EVC2: variants seen among roughly 807,000 people sequenced by gnomAD.
EVC2 encodes the protein EvC ciliary complex subunit 2, also known as limbin.
EVC2 carries 148 observed loss-of-function variants against 149.3 expected under a neutral mutation model. The ratio of observed to expected loss-of-function variants is 0.99; its 90% confidence interval spans 0.87 to 1.14. The LOEUF (loss-of-function observed/expected upper bound fraction) is 1.14, where lower values mean the gene tolerates loss of function less well. EVC2 is among the 50% of genes most tolerant of loss of function. The pLI, the probability that EVC2 is intolerant of heterozygous loss-of-function variation, is 0.00. For missense variants in EVC2, 1,854 were observed against 1,627.3 expected, an observed-to-expected ratio of 1.14 and a Z score of -2.40; for synonymous variants, 776 against 649.9, an observed-to-expected ratio of 1.19 and a Z score of -2.95.
intron 21 of EVC2, among the ~76,000 whole-genome samples, chr4:5,548,015 G>C (rs1453941712): frequency 6.6e-6 from 1 of 151,898 alleles, no homozygotes; most frequent in Non-Finnish European, 1.5e-5. Flanking sequence ...GCCTCGCAGA[G>C]AGTCGGTGCC....
Position 5,625,850 on chromosome 4 carries a change from C to G in EVC2, c.1945G>C (p.Val649Leu). ...TCCAACTTCTGCTTGATTGAAAAGA[C>G]TTCTGTCTGAGCCCGCTCCAATAGC... ...EMLLERAQTE[V>L]FSIKQKLDND... The change falls in exon 13 of 22, where the codon GTC (valine) becomes CTC (leucine). Residue 649 changes from valine to leucine, a missense_variant. Physicochemically the swap from Val to Leu is conservative, Grantham distance 32 (BLOSUM62 1). Coordinates refer to ENST00000344408, the MANE Select transcript of EVC2 (RefSeq NM_147127.5). This position sits in a 1 kb window ranked among gnomAD's most constrained non-coding sequence, Gnocchi z 4.0. 6.2e-7 allele frequency: 1 copy of G among 1,614,084 alleles called. No homozygotes were observed. The highest frequency in any genetic ancestry group is 1.1e-5 in the South Asian group (1 of 91,084).
intron 16 of EVC2, among the ~76,000 whole-genome samples, chr4:5,592,657 G>A (rs908768912): frequency 1.1e-4 from 17 of 152,182 alleles, no homozygotes; most frequent in African/African-American, 2.7e-4. Flanking sequence ...AAGTGGGCTC[G>A]CACATGTGCA....
At chr4:5,580,404 C>T (rs1026186113) in intron 17 of EVC2, among the ~76,000 whole-genome samples, 5 of 152,236 alleles carry the variant, frequency 3.3e-5, no homozygotes, top group African/African-American at 1.2e-4. Flanking sequence ...GTAGGAGTTA[C>T]TCAAAAGAGT....
chr4:5,674,316 A>T (rs569162529), intron 7 of EVC2, among the ~76,000 whole-genome samples: 3 of 152,304 alleles, frequency 2.0e-5, no homozygotes, highest in African/African-American at 7.2e-5. Flanking sequence ...AACACATCAC[A>T]CAGCATGATT....
At chr4:5,539,169 C>T (rs949142563), downstream of EVC2, among the ~76,000 whole-genome samples, 2 of 152,070 alleles carry the variant, frequency 1.3e-5, no homozygotes, top group African/African-American at 4.8e-5. Context: ...AAAACAGAAA[C>T]TGGAATTTTA....
intron 16 of EVC2, among the ~76,000 whole-genome samples, chr4:5,597,371 G>A (rs930889512): frequency 4.6e-5 from 7 of 152,148 alleles, no homozygotes; most frequent in African/African-American, 1.7e-4. Flanking sequence ...TATCCACCAT[G>A]ATCAAGTGGG....
chr4:5,539,534 CTT>C (rs1721475262), downstream of EVC2, among the ~76,000 whole-genome samples: 7 of 152,168 alleles, frequency 4.6e-5, no homozygotes, highest in South Asian at 1.5e-3. Flanking sequence ...TGATTTAAGA[CTT>C]ATCATAAAGC....
intron 21 of EVC2, among the ~76,000 whole-genome samples, chr4:5,551,113 CCACA>C (rs1370836031): frequency 6.6e-6 from 1 of 152,184 alleles, no homozygotes; most frequent in African/African-American, 2.4e-5. Context: ...GTTGGAGCAC[CCACA>C]CAGAGTCCCT....
At chr4:5,631,045 A>T (rs1386716452) in intron 11 of EVC2, among the ~76,000 whole-genome samples, 2 of 152,098 alleles carry the variant, frequency 1.3e-5, no homozygotes, top group East Asian at 3.9e-4. Context: ...CCTCCTAAGA[A>T]TTTCCACAGT....
At chr4:5,684,773 T>G (rs1038273389) in intron 6 of EVC2, among the ~76,000 whole-genome samples, 1 of 152,140 alleles carries the variant, frequency 6.6e-6, no homozygotes, top group Non-Finnish European at 1.5e-5. Context: ...GACAGGGTCT[T>G]TACAGAGGTA....
rs1271086535 is a variant in EVC2 at position 5,622,371 on chromosome 4, G to A, written c.2501+166C>T. Among the ~76,000 whole-genome samples the A allele has an allele frequency of 1.3e-5, 2 of 151,982 alleles. No individual in the cohort carries two copies. Among genetic ancestry groups the A allele is most frequent in the Non-Finnish European group, 2.9e-5 (2 of 68,002 alleles). ...TTGTAGGGTCCTGCGTGACATTCGA[G>A]GTCCTCCCCCCGGGGCGTTGAGTTT... On this transcript the variant is annotated intron_variant, in intron 14 of 21. Transcript: ENST00000344408. This position sits in a 1 kb window ranked among gnomAD's most constrained non-coding sequence, Gnocchi z 5.8.
chr4:5,643,295 T>C (rs1021984527), intron 9 of EVC2, among the ~76,000 whole-genome samples: 11 of 152,216 alleles, frequency 7.2e-5, no homozygotes, highest in Non-Finnish European at 8.8e-5. Context: ...AACATTCTTA[T>C]CATCAAGCAT....
At chr4:5,536,993 C>T in the EVC2 span, among the ~76,000 whole-genome samples, 2 of 152,150 alleles carry the variant, frequency 1.3e-5, no homozygotes, top group Non-Finnish European at 2.9e-5. Flanking sequence ...TGTCAACAAA[C>T]ACATAGTAAT....
At chr4:5,593,371 A>G (rs761998131) in intron 16 of EVC2, among the ~76,000 whole-genome samples, 1 of 151,798 alleles carries the variant, frequency 6.6e-6, no homozygotes, top group Non-Finnish European at 1.5e-5. Flanking sequence ...ATAAACATTT[A>G]CTCCTGTTTG....
At chr4:5,647,313 T>C (rs1432357695) in intron 9 of EVC2, among the ~76,000 whole-genome samples, 1 of 152,194 alleles carries the variant, frequency 6.6e-6, no homozygotes, top group Non-Finnish European at 1.5e-5. Context: ...CTCTGCATAG[T>C]GTCACTATGA....
Position 5,640,696 on chromosome 4 carries a change from C to G in EVC2, c.1288G>C (p.Ala430Pro). The change falls in exon 10 of 22, where the codon GCT becomes CCT. Residue 430 changes from alanine to proline, a missense_variant. By Grantham distance (27) the Ala-to-Pro change is conservative. Coordinates refer to ENST00000344408, the MANE Select transcript of EVC2 (RefSeq NM_147127.5). This position sits in a 1 kb window ranked among gnomAD's most constrained non-coding sequence, Gnocchi z 4.6. Reference protein sequence around the residue: ...LSPQVERKMSAVFKKQFLLLE... With the variant: ...LSPQVERKMSPVFKKQFLLLE... ...AATAGAAACTGCTTTTTGAAAACAG[C>G]ACTCATTTTTCTCTCTACTTGGGGT... 1 of 1,613,852 alleles carries G rather than the reference C, an allele frequency of 6.2e-7. No homozygotes were observed. The highest frequency in any genetic ancestry group is 8.5e-7 in the Non-Finnish European group (1 of 1,179,968).
chr4:5,594,044 G>A (rs1246897234), intron 16 of EVC2, among the ~76,000 whole-genome samples: 2 of 152,190 alleles, frequency 1.3e-5, no homozygotes, highest in Non-Finnish European at 2.9e-5. Flanking sequence ...GCCCAGGCTT[G>A]CTTAGGTAAA....
intron 7 of EVC2, among the ~76,000 whole-genome samples, chr4:5,673,257 A>G (rs1719771943): frequency 6.6e-6 from 1 of 152,262 alleles, no homozygotes; most frequent in African/African-American, 2.4e-5. Context: ...ATCAGGAGAC[A>G]CAGTCAACAG....
At chr4:5,616,023 T>C (rs964100805) in intron 15 of EVC2, among the ~76,000 whole-genome samples, 8 of 152,132 alleles carry the variant, frequency 5.3e-5, no homozygotes, top group Non-Finnish European at 1.0e-4. Context: ...GCCCGGGGTA[T>C]AGGCTGGGGC....
Sources: allele counts gnomAD v4.1 joint callset (sites outside exome capture counted in the v4.1 genomes callset), GRCh38; gene constraint gnomAD v4.1.1; non-coding constraint Gnocchi (gnomAD v3.1); transcripts MANE v1.5; gene names NCBI Gene and HGNC (gene_info 2026-07-23, HGNC 2026-07-21).